The following RAD51B variants were observed in gnomAD, a reference collection of about 807,000 sequenced individuals.
RAD51B encodes the protein RAD51 paralog B, also known as DNA repair protein RAD51 homolog 2.
A neutral mutation model predicts 42.2 loss-of-function variants in RAD51B; 38 were observed. The ratio of observed to expected loss-of-function variants is 0.90; its 90% CI spans 0.70 to 1.18. RAD51B has a LOEUF of 1.18. Among genes scored for constraint, RAD51B ranks in the 50% most tolerant of loss-of-function variants. The pLI is 0.00. For missense variants in RAD51B, 373 were observed against 400.7 expected, an observed-to-expected ratio of 0.93 and a Z score of 0.59; for synonymous variants, 154 against 145.2, an observed-to-expected ratio of 1.06 and a Z score of -0.43.
At chr14:68,100,382 G>A (rs545205792) in intron 7 of RAD51B, among the ~76,000 whole-genome samples, 1 of 152,232 alleles carries the variant, frequency 6.6e-6, no homozygotes, top group South Asian at 2.1e-4. Context: ...GGGTCTCACT[G>A]TGTTGCCCAG....
intron 7 of RAD51B, among the ~76,000 whole-genome samples, chr14:68,091,772 C>A (rs1326980000): frequency 6.6e-6 from 1 of 152,148 alleles, no homozygotes; most frequent in African/African-American, 2.4e-5. Context: ...AAGTCCTTGC[C>A]CATGTCTGTG....
At chr14:67,984,583 A>G (rs1038382298) in intron 7 of RAD51B, among the ~76,000 whole-genome samples, 2 of 152,040 alleles carry the variant, frequency 1.3e-5, no homozygotes, top group African/African-American at 4.8e-5. Flanking sequence ...CCTTTTGTCA[A>G]TCTTTGTTCA....
chr14:67,857,114 A>G (rs1460166538), intron 4 of RAD51B, among the ~76,000 whole-genome samples: 1 of 152,184 alleles, frequency 6.6e-6, no homozygotes, highest in Non-Finnish European at 1.5e-5. Flanking sequence ...TGAAGCTAAA[A>G]ATTATTAATG....
intron 9 of RAD51B, among the ~76,000 whole-genome samples, chr14:68,436,518 C>T (rs571059143): frequency 6.6e-6 from 1 of 152,172 alleles, no homozygotes; most frequent in East Asian, 1.9e-4. Flanking sequence ...TTTTTGGTTC[C>T]ATGTGAATTT....
At chr14:68,207,448 A>G (rs561457060) in intron 7 of RAD51B, among the ~76,000 whole-genome samples, 1 of 152,314 alleles carries the variant, frequency 6.6e-6, no homozygotes, top group African/African-American at 2.4e-5. Flanking sequence ...CGAAATTCAC[A>G]TGACAGGGTG....
intron 8 of RAD51B, among the ~76,000 whole-genome samples, chr14:68,312,018 T>C (rs757724732): frequency 1.3e-5 from 2 of 152,250 alleles, no homozygotes; most frequent in Non-Finnish European, 2.9e-5. Flanking sequence ...ATCAACTAAA[T>C]ACAATTTTGT....
chr14:67,885,801 A>G, intron 5 of RAD51B, 68 bp from the exon 6 acceptor site: 1 of 1,510,784 alleles, frequency 6.6e-7, no homozygotes, highest in South Asian at 1.3e-5. Flanking sequence ...AAAATTAATT[A>G]GAGATTCAGC....
At chr14:68,048,741 C>T (rs914302262) in intron 7 of RAD51B, among the ~76,000 whole-genome samples, 1 of 152,158 alleles carries the variant, frequency 6.6e-6, no homozygotes, top group South Asian at 2.1e-4. Flanking sequence ...GAAATAGGAA[C>T]ACTTTTACAC....
At chr14:68,395,869 C>G (rs2083902392) in intron 8 of RAD51B, among the ~76,000 whole-genome samples, 1 of 152,144 alleles carries the variant, frequency 6.6e-6, no homozygotes, top group South Asian at 2.1e-4. Flanking sequence ...TCATTTACTT[C>G]AAAAAATTTT....
intron 10 of RAD51B, among the ~76,000 whole-genome samples, chr14:68,641,573 T>TAGGCCGGGCGCGGTGGCTCAC (rs1566962208): frequency 3.0e-4 from 44 of 146,026 alleles, no homozygotes; most frequent in Non-Finnish European, 3.7e-4. Context: ...AGATGTTAGC[T>TAGGCCGGGCGCGGTGGCTCAC]GTAGATTTTT....
chr14:68,229,778 C>T (rs1210754382), intron 7 of RAD51B, among the ~76,000 whole-genome samples: 1 of 152,152 alleles, frequency 6.6e-6, no homozygotes, highest in East Asian at 1.9e-4. Context: ...AGGGCAAGAT[C>T]CTGGCTCTAG....
At position 68,511,916 on chromosome 14, in the gene RAD51B, A is replaced by G. The variant is rs187157636; in HGVS notation, c.1036+43666A>G. On this transcript the variant is annotated intron_variant, in intron 10 of 10. Coordinates refer to the RAD51B transcript ENST00000487270. ...TTCATTCATTCATTCAGTTTTTACT[A>G]CCTCCTATGTGTCAGATGCTTCTAG... 9.1e-4 allele frequency among the ~76,000 whole-genome samples: 139 copies of G among 152,262 alleles called. 1 individual carries two copies. The highest frequency in any genetic ancestry group is 3.4e-3 in the Middle Eastern group (1 of 294).
At chr14:67,906,323 A>G (rs1016380916) in intron 7 of RAD51B, among the ~76,000 whole-genome samples, 1 of 152,010 alleles carries the variant, frequency 6.6e-6, no homozygotes, top group Non-Finnish European at 1.5e-5. Flanking sequence ...TTTTGCATCT[A>G]TGTTTATCAG....
intron 7 of RAD51B, among the ~76,000 whole-genome samples, chr14:68,137,741 A>T (rs1041755712): frequency 1.3e-5 from 2 of 152,236 alleles, no homozygotes; most frequent in Admixed American, 1.3e-4. Flanking sequence ...GAGAAGGTGA[A>T]CAAGAGCAGT....
chr14:67,856,126 T>G (rs1486008257), intron 4 of RAD51B, among the ~76,000 whole-genome samples: 1 of 152,226 alleles, frequency 6.6e-6, no homozygotes, highest in East Asian at 1.9e-4. Context: ...ATGGTGGAAC[T>G]TGGGGTACTT....
At chr14:68,092,931 G>A (rs2077126504) in intron 7 of RAD51B, among the ~76,000 whole-genome samples, 1 of 150,338 alleles carries the variant, frequency 6.7e-6, no homozygotes, top group African/African-American at 2.5e-5. Flanking sequence ...TTTTGTCAAA[G>A]GCTTTTTCTG....
At chr14:68,435,682 C>A (rs969168304) in intron 9 of RAD51B, among the ~76,000 whole-genome samples, 3 of 152,272 alleles carry the variant, frequency 2.0e-5, no homozygotes, top group South Asian at 2.1e-4. Context: ...GCCTCACCAG[C>A]ATCTGTTGCT....
chr14:67,892,728 T>A (rs1418185176), intron 7 of RAD51B, among the ~76,000 whole-genome samples: 1 of 152,194 alleles, frequency 6.6e-6, no homozygotes, highest in Non-Finnish European at 1.5e-5. Flanking sequence ...GGGACTACAA[T>A]CTAAATAGCT....
chr14:68,170,532 T>A (rs1049714139), intron 7 of RAD51B, among the ~76,000 whole-genome samples: 6 of 152,216 alleles, frequency 3.9e-5, no homozygotes, highest in Non-Finnish European at 8.8e-5. Flanking sequence ...AAAAAATTAG[T>A]GTTCTAAAAC....
Sources: gnomAD v4.1 joint callset for allele counts (sites outside exome capture counted in the v4.1 genomes callset) on GRCh38, gnomAD v4.1.1 for gene constraint, MANE v1.5 for transcripts, NCBI Gene and HGNC (gene_info 2026-07-23, HGNC 2026-07-21) for gene names.